Variants in SHROOM2 observed in about 807,000 individuals in gnomAD.
SHROOM2 encodes the protein protein Shroom2.
A neutral mutation model predicts 75.9 loss-of-function variants in SHROOM2; 33 were observed. That is an observed-to-expected ratio of 0.43 (90% CI 0.33 to 0.58). The LOEUF (loss-of-function observed/expected upper bound fraction) is 0.58. Ranked by LOEUF, SHROOM2 falls within the 20% of genes least tolerant of loss-of-function variation. SHROOM2 has a pLI of 0.04. For missense variants in SHROOM2, 1,434 were observed against 1,461.2 expected, an observed-to-expected ratio of 0.98 and a Z score of 0.30; for synonymous variants, 655 against 663.6, an observed-to-expected ratio of 0.99 and a Z score of 0.20.
At chrX:9,803,109 T>G (rs746436934) in intron 1 of SHROOM2, among the ~76,000 whole-genome samples, 31 of 102,698 alleles carry the variant, frequency 3.0e-4, no homozygotes, top group South Asian at 1.3e-3. Flanking sequence ...GTTTTTTGTT[T>G]TTTTTTTTTT....
chrX:9,889,177 C>T (rs1760466208), intron 2 of SHROOM2, among the ~76,000 whole-genome samples: 1 of 112,073 alleles, frequency 8.9e-6, no homozygotes, highest in Non-Finnish European at 1.9e-5. Context: ...GTCTTTTATA[C>T]TTTCTCTTTG....
Position 9,948,998 on chromosome X carries a change from C to T in SHROOM2, c.*2061C>T. ...ATATGTGTGTAAAATGTGAATAATC[C>T]AATTGGTGTCTGTACTCAGCCTTTT... On this transcript the variant is annotated 3_prime_UTR_variant, in exon 10 of 10. Coordinates refer to ENST00000380913, the MANE Select transcript of SHROOM2 (RefSeq NM_001649.4). 6.7e-6 allele frequency: 1 copy of T among 148,813 alleles called. No homozygotes were observed. The highest frequency in any genetic ancestry group is 1.3e-5 in the Non-Finnish European group (1 of 74,099). The allele number at this position is 148,813 out of a possible 1,213,427, so 12.3% of individuals were successfully genotyped here. A position where few individuals can be genotyped will look rare whatever the true frequency, so the allele number is the denominator to read the frequency against.
Position 9,949,110 on chromosome X carries a change from G to T in SHROOM2, c.*2173G>T, listed in dbSNP as rs1009463690. The T allele has an allele frequency of 4.8e-5, 11 of 228,654 alleles. No individual in the cohort carries two copies. Among genetic ancestry groups the T allele is most frequent in the South Asian group, 3.6e-4 (7 of 19,568 alleles). 18.8% of individuals were successfully genotyped at this position (228,654 alleles called of 1,213,427 possible). A position where few individuals can be genotyped will look rare whatever the true frequency, so the allele number is the denominator to read the frequency against. On this transcript the variant is annotated 3_prime_UTR_variant, in exon 10 of 10. Coordinates refer to ENST00000380913, the MANE Select transcript of SHROOM2 (RefSeq NM_001649.4). ...CAAAGCACATAGAGCCAGCTGTCCT[G>T]TCAGTTCCCCTGTTTGCCTCTGAAA...
intron 1 of SHROOM2, among the ~76,000 whole-genome samples, chrX:9,800,539 C>T (rs2083718741): frequency 9.2e-6 from 1 of 109,146 alleles, no homozygotes; most frequent in African/African-American, 3.3e-5. Context: ...TGGGGTTTCA[C>T]CATGTTGGCC....
chrX:9,835,020 A>G (rs961823082), intron 1 of SHROOM2, among the ~76,000 whole-genome samples: 5 of 112,878 alleles, frequency 4.4e-5, no homozygotes, highest in African/African-American at 1.6e-4. Flanking sequence ...GTCCCTGTTC[A>G]TCCTCATTGA....
At position 9,891,105 on chromosome X, in the gene SHROOM2, C is replaced by G. The variant is rs749777846; in HGVS notation, c.446C>G (p.Ala149Gly). The G allele has an allele frequency of 8.3e-7, 1 of 1,204,959 alleles. No individual in the cohort carries two copies. Among genetic ancestry groups the G allele is most frequent in the South Asian group, 1.8e-5 (1 of 55,343 alleles). The change falls in exon 3 of 10, where the codon GCG becomes GGG. Residue 149 changes from alanine to glycine, a missense_variant. Around this residue, in one of 3 missense-constraint regions of SHROOM2, gnomAD observed 1,340 missense variants for 1,338.3 expected, o/e 1.00. Transcript: ENST00000380913. ...GCPSWSGRHH[A>G]SSSSHDLSSS... ...CCTTCCTGGTCCGGCCGACACCACG[C>G]GAGGTAGGCACCCATTCCCGTCCAG...
chrX:9,878,480 G>A (rs1378135615), intron 2 of SHROOM2, among the ~76,000 whole-genome samples: 1 of 111,934 alleles, frequency 8.9e-6, no homozygotes, highest in African/African-American at 3.2e-5. Context: ...TCGAGGGAGA[G>A]CACTCATGTT....
intron 1 of SHROOM2, among the ~76,000 whole-genome samples, chrX:9,828,496 G>C (rs2083899668): frequency 9.0e-6 from 1 of 111,599 alleles, no homozygotes; most frequent in Non-Finnish European, 1.9e-5. Flanking sequence ...TAGTGACAGA[G>C]TATTGCTCTG....
intron 9 of SHROOM2, 83 bp from the exon 10 acceptor site, chrX:9,946,588 C>G (rs2084821077): frequency 8.3e-6 from 8 of 959,727 alleles, no homozygotes; most frequent in Non-Finnish European, 1.1e-5. Context: ...GGGACCAGCC[C>G]ACAAGTTGCC....
At chrX:9,911,649 A>G (rs1464863830) in intron 5 of SHROOM2, among the ~76,000 whole-genome samples, 1 of 110,742 alleles carries the variant, frequency 9.0e-6, no homozygotes, top group Non-Finnish European at 1.9e-5. Context: ...AATAGAGATC[A>G]TTGTGAAATG....
intron 6 of SHROOM2, 51 bp downstream of exon 6, chrX:9,932,921 G>A (rs779939958): frequency 5.6e-6 from 6 of 1,063,449 alleles, no homozygotes; most frequent in Middle Eastern, 5.2e-4. Flanking sequence ...AATGTGGGAC[G>A]CGGGTTCTCA....
At chrX:9,933,279 T>C (rs1191500921) in intron 6 of SHROOM2, among the ~76,000 whole-genome samples, 1 of 111,374 alleles carries the variant, frequency 9.0e-6, no homozygotes, top group African/African-American at 3.3e-5. Context: ...GAAATTGGTA[T>C]TTTTCATGGT....
intron 1 of SHROOM2, among the ~76,000 whole-genome samples, chrX:9,860,038 A>G (rs1195963999): frequency 9.0e-6 from 1 of 111,626 alleles, no homozygotes; most frequent in Non-Finnish European, 1.9e-5. Context: ...CTTTCTCTGG[A>G]ATATTGGTGG....
At chrX:9,941,981 A>C (rs1166151695) in intron 8 of SHROOM2, among the ~76,000 whole-genome samples, 6 of 105,189 alleles carry the variant, frequency 5.7e-5, no homozygotes, top group Admixed American at 1.0e-4. Context: ...CAAAAAAAAA[A>C]AAAAAAAAAA....
chrX:9,833,179 CTG>C (rs1245588670), intron 1 of SHROOM2, among the ~76,000 whole-genome samples: 1 of 111,913 alleles, frequency 8.9e-6, no homozygotes, highest in African/African-American at 3.3e-5. Context: ...CCTTCACTGT[CTG>C]TGTGTGGGAA....
In SHROOM2 at chrX:9,932,823, A is replaced by G. The variant is rs1029364812; in HGVS notation, c.3540A>G (p.Lys1180=). The change falls in exon 6 of 10, where the codon AAA becomes AAG. Residue 1180 remains lysine, a synonymous_variant. Coordinates refer to ENST00000380913, the MANE Select transcript of SHROOM2 (RefSeq NM_001649.4). ...RSPSPQFAPQ[K]LTDKPPLLIQ... ...CCTCGCCCCAGTTCGCCCCCCAGAA[A>G]CTGACGGACAAACCTCCCCTGCTCA... 1.7e-6 allele frequency: 2 copies of G among 1,203,607 alleles called. No homozygotes were observed. The highest frequency in any genetic ancestry group is 2.2e-6 in the Non-Finnish European group (2 of 893,587).
chrX:9,939,329 C>T lies in SHROOM2; in HGVS notation c.4274C>T (p.Ser1425Leu), dbSNP rs149373874. Reference protein sequence around the residue: ...LQEQQEHEEDSGSDLDHDLSV... With the variant: ...LQEQQEHEEDLGSDLDHDLSV... Reference sequence around the variant, plus strand: ...GAGCAGCAGGAGCACGAAGAGGATTCGGGAAGCGACTTGGACCACGACCTG... The same window carrying T: ...GAGCAGCAGGAGCACGAAGAGGATTTGGGAAGCGACTTGGACCACGACCTG... The change falls in exon 8 of 10, where the codon TCG becomes TTG. Residue 1425 changes from serine (S) to leucine (L), a missense_variant. Physicochemically the swap from Ser to Leu is moderately radical, Grantham distance 145 (BLOSUM62 -2). Coordinates refer to ENST00000380913, the MANE Select transcript of SHROOM2 (RefSeq NM_001649.4). 9,540 of 1,207,788 alleles carry T rather than the reference C, an allele frequency of 7.9e-3. 32 individuals are homozygous for T. Among genetic ancestry groups the T allele is most frequent in the Non-Finnish European group, 9.1e-3 (8,162 of 893,956 alleles).
At chrX:9,833,164 G>A (rs16985715) in intron 1 of SHROOM2, among the ~76,000 whole-genome samples, 8,278 of 111,517 alleles carry the variant, frequency 0.074, 740 homozygotes, top group African/African-American at 0.25. Flanking sequence ...AAGCATCCCT[G>A]AGCCCCTTCA....
chrX:9,913,366 C>T (rs932183212), intron 5 of SHROOM2: 1 of 112,402 alleles, frequency 8.9e-6, no homozygotes, highest in Non-Finnish European at 1.9e-5. Context: ...AATGGAATCA[C>T]CATGGTTCTT....
Sources: allele counts gnomAD v4.1 joint callset (sites outside exome capture counted in the v4.1 genomes callset), GRCh38; gene constraint gnomAD v4.1.1; regional missense constraint gnomAD v4.1.1; transcripts MANE v1.5; gene names NCBI Gene and HGNC (gene_info 2026-07-23, HGNC 2026-07-21).